TBCD: variants seen among roughly 807,000 people sequenced by gnomAD.
The protein encoded by TBCD is tubulin folding cofactor D.
In TBCD, 105 loss-of-function variants were observed where a neutral mutation model predicts 169.3. That is an observed-to-expected ratio of 0.62 (90% CI 0.53 to 0.73). TBCD has a LOEUF of 0.73. TBCD is among the 30% of genes least tolerant of loss of function. The probability of loss-of-function intolerance (pLI) is 0.00; values close to 1 mark genes in which losing one functional copy is unlikely to be tolerated. For synonymous variants in TBCD, 700 were observed against 643.9 expected (o/e 1.09, Z -1.32); for missense variants, 1,444 against 1,600.1 (o/e 0.90, Z 1.66).
At chr17:82,859,552 G>A in intron 13 of TBCD, 1 of 985,474 alleles carries the variant, frequency 1.0e-6, no homozygotes, top group South Asian at 4.7e-5. Flanking sequence ...CACAAGCTGT[G>A]ACTTCAGGGC....
intron 30 of TBCD, among the ~76,000 whole-genome samples, chr17:82,928,333 A>G (rs2098778230): frequency 6.6e-6 from 1 of 152,192 alleles, no homozygotes; most frequent in Non-Finnish European, 1.5e-5. Flanking sequence ...TAGGACCCTG[A>G]ACCTGGGGGT....
chr17:82,821,184 C>G (rs796288400), intron 13 of TBCD, among the ~76,000 whole-genome samples: 12 of 152,346 alleles, frequency 7.9e-5, no homozygotes, highest in African/African-American at 2.6e-4. Flanking sequence ...CTCAAGTGAT[C>G]TTCCTGCCTT....
chr17:82,820,818 T>C (rs113823200), intron 13 of TBCD, among the ~76,000 whole-genome samples: 30 of 89,140 alleles, frequency 3.4e-4, no homozygotes, highest in African/African-American at 7.8e-4. Flanking sequence ...TTAGGTTCTG[T>C]GCTCATTTCA....
At chr17:82,941,007 G>A (rs568488229) in intron 37 of TBCD, among the ~76,000 whole-genome samples, 4 of 152,208 alleles carry the variant, frequency 2.6e-5, no homozygotes, top group South Asian at 4.1e-4. Context: ...AATTAGAAAC[G>A]AAAAACATGC....
intron 20 of TBCD, among the ~76,000 whole-genome samples, chr17:82,906,477 C>T (rs1189641465): frequency 1.3e-5 from 2 of 152,236 alleles, no homozygotes; most frequent in African/African-American, 4.8e-5. Context: ...AGAATATACA[C>T]GTTTCTTTTG....
chr17:82,927,089 T>G (rs538473148), intron 28 of TBCD, 97 bp from the exon 29 acceptor site: 7 of 1,551,634 alleles, frequency 4.5e-6, no homozygotes, highest in Admixed American at 1.8e-5. Context: ...GTTCTGAGCG[T>G]GTCTTCTCAG....
At chr17:82,844,954 C>T (rs78051868) in intron 13 of TBCD, among the ~76,000 whole-genome samples, 16,389 of 152,096 alleles carry the variant, frequency 0.11, 1,164 homozygotes, top group South Asian at 0.28. Context: ...GGCCGAGGTA[C>T]CCAGCCCAGA....
chr17:82,850,263 T>TGC (rs2055639691), intron 13 of TBCD, among the ~76,000 whole-genome samples: 11 of 41,322 alleles, frequency 2.7e-4, no homozygotes, highest in South Asian at 6.7e-4. Context: ...GTTGGCTGTG[T>TGC]TGTTGTTGGC....
intron 14 of TBCD, among the ~76,000 whole-genome samples, chr17:82,881,216 G>T (rs929884995): frequency 6.6e-6 from 1 of 152,216 alleles, no homozygotes; most frequent in African/African-American, 2.4e-5. Flanking sequence ...AAGCGGCCCT[G>T]TGGTAGAAGA....
Position 82,832,423 on chromosome 17 carries a change from T to G in TBCD, c.1318+17489T>G. 2 of 1,613,424 alleles carry G rather than the reference T, an allele frequency of 1.2e-6. No homozygotes were observed. The highest frequency in any genetic ancestry group is 1.7e-6 in the Non-Finnish European group (2 of 1,180,016). On this transcript the variant is annotated intron_variant, in intron 13 of 38. Coordinates refer to ENST00000355528, the MANE Select transcript of TBCD (RefSeq NM_005993.5). This position sits in a 1 kb window ranked among gnomAD's most constrained non-coding sequence, Gnocchi z 4.9. ...TGGAGGCCTGGGGATGTAATGTGGCTTTTTTGGCTTCCGCTCTTTGAGGAG... is the reference window on the plus strand; with the variant it reads ...TGGAGGCCTGGGGATGTAATGTGGCGTTTTTGGCTTCCGCTCTTTGAGGAG...
intron 18 of TBCD, 149 bp downstream of exon 18, chr17:82,900,880 T>G: frequency 1.5e-6 from 1 of 669,972 alleles, no homozygotes; most frequent in Non-Finnish European, 2.6e-6. Context: ...CCAGTCTTCA[T>G]GCCGGATGTG....
chr17:82,852,111 C>T (rs1044228968), intron 13 of TBCD, among the ~76,000 whole-genome samples: 4 of 152,134 alleles, frequency 2.6e-5, no homozygotes, highest in Non-Finnish European at 5.9e-5. Flanking sequence ...ACATTTTACC[C>T]CACGCTCCTT....
rs202173876 is a variant in TBCD at position 82,937,295 on chromosome 17, T to C, written c.3216T>C (p.Leu1072=). 408 of 1,614,028 alleles carry C rather than the reference T, an allele frequency of 2.5e-4. 1 individual carries two copies. In the East Asian group the frequency reaches 9.0e-3, roughly 36 times the overall value. Residue 1072 remains leucine, a synonymous_variant, in exon 35 of 39, where the codon CTT becomes CTC. Transcript: ENST00000355528. ...GCCACCCCTTTGCTGTGAAGTTGCT[T>C]GCGCTCTGTAAGAAAGAAATCAAGA... ...EEDHPFAVKL[L]ALCKKEIKNS... is the part of the protein sequence containing the mutation.
At chr17:82,758,398 A>AAT (rs1555672619) in intron 2 of TBCD, among the ~76,000 whole-genome samples, 14 of 140,778 alleles carry the variant, frequency 9.9e-5, no homozygotes, top group African/African-American at 2.4e-4. Flanking sequence ...AAAAAAAAAA[A>AAT]AAAAATAAAT....
intron 6 of TBCD, among the ~76,000 whole-genome samples, chr17:82,777,222 G>T: frequency 6.6e-6 from 1 of 152,066 alleles, no homozygotes; most frequent in Non-Finnish European, 1.5e-5. Context: ...ATTCATTTGG[G>T]GTTTCTTTTG....
chr17:82,861,959 G>GGCTGGAGT (rs561906914), intron 13 of TBCD, among the ~76,000 whole-genome samples: 3 of 151,274 alleles, frequency 2.0e-5, no homozygotes, highest in East Asian at 3.9e-4. Context: ...CTGTCGCCCA[G>GGCTGGAGT]GCTGGAGTGC....
At chr17:82,815,038 GCACGGTCAGCTGCGT>G in intron 13 of TBCD, 104 bp downstream of exon 13, 2 of 1,534,282 alleles carry the variant, frequency 1.3e-6, no homozygotes, top group Non-Finnish European at 1.8e-6. Flanking sequence ...AGTAGCTGAA[GCACGGTCAGCTGCGT>G]CACCAGGCTG....
At position 82,884,318 on chromosome 17, in the gene TBCD, C is replaced by A. The variant is rs1016227023; in HGVS notation, c.1533+116C>A. ...GCTCACCCATCCACAGCAGGAGCCG[C>A]GAGGGAGCTGCTGAGAGTGCCAGCT... On this transcript the variant is annotated intron_variant, in intron 15 of 38. Transcript: ENST00000355528. The surrounding 1 kb of genome is among the most constrained non-coding windows in gnomAD (Gnocchi z 4.2). 11 of 975,416 alleles carry A rather than the reference C, an allele frequency of 1.1e-5. No homozygotes were observed. The highest frequency in any genetic ancestry group is 9.7e-5 in the African/African-American group (6 of 61,898). The allele number at this position is 975,416 out of a possible 1,614,324, so 60.4% of individuals were successfully genotyped here.
intron 7 of TBCD, among the ~76,000 whole-genome samples, chr17:82,796,253 C>A (rs117178303): frequency 0.047 from 7,151 of 152,352 alleles, 228 homozygotes; most frequent in South Asian, 0.089. Context: ...GGTTTCTGCT[C>A]AGCAAGTGTT....
Sources: allele counts gnomAD v4.1 joint callset (sites outside exome capture counted in the v4.1 genomes callset), GRCh38; gene constraint gnomAD v4.1.1; non-coding constraint Gnocchi (gnomAD v3.1); transcripts MANE v1.5; gene names NCBI Gene and HGNC (gene_info 2026-07-23, HGNC 2026-07-21).